The following MACROD2 variants were observed in gnomAD, a reference collection of about 807,000 sequenced individuals.
The protein encoded by MACROD2 is ADP-ribose glycohydrolase MACROD2.
In MACROD2, 36 loss-of-function variants were observed where a neutral mutation model predicts 70.4. The observed-to-expected ratio is 0.51, with a 90% confidence interval of 0.39 to 0.68. The LOEUF (loss-of-function observed/expected upper bound fraction) is 0.68. Ranked by LOEUF, MACROD2 falls within the 30% of genes least tolerant of loss-of-function variation. The probability of loss-of-function intolerance (pLI) is 0.00; values close to 1 mark genes in which losing one functional copy is unlikely to be tolerated. For synonymous variants in MACROD2, 172 were observed against 178.8 expected (o/e 0.96, Z 0.30); for missense variants, 496 against 538.4 (o/e 0.92, Z 0.78).
chr20:14,925,119 G>GTGAA (rs2074213964), intron 5 of MACROD2, among the ~76,000 whole-genome samples: 1 of 151,886 alleles, frequency 6.6e-6, no homozygotes, highest in Non-Finnish European at 1.5e-5. Flanking sequence ...TTCACCAGGG[G>GTGAA]ACGATCTCCT....
At chr20:15,687,005 T>G (rs1464359020) in intron 8 of MACROD2, among the ~76,000 whole-genome samples, 3 of 127,272 alleles carry the variant, frequency 2.4e-5, no homozygotes, top group Non-Finnish European at 4.7e-5. Flanking sequence ...TCTTTTTTTT[T>G]TCTTTTTTTT....
intron 4 of MACROD2, among the ~76,000 whole-genome samples, chr20:14,590,918 G>A (rs563436878): frequency 1.3e-4 from 20 of 152,124 alleles, no homozygotes; most frequent in African/African-American, 4.6e-4. Context: ...TCCACATTAG[G>A]TCTCAAAATC....
intron 4 of MACROD2, among the ~76,000 whole-genome samples, chr20:14,531,674 T>G (rs1209220980): frequency 6.6e-6 from 1 of 152,206 alleles, no homozygotes; most frequent in Non-Finnish European, 1.5e-5. Context: ...GCCTATAATT[T>G]TATAGTTTAC....
chr20:14,732,138 A>G (rs971343955), intron 5 of MACROD2, among the ~76,000 whole-genome samples: 2 of 152,198 alleles, frequency 1.3e-5, no homozygotes, highest in African/African-American at 4.8e-5. Context: ...ACAGAAAGGG[A>G]ATATTTATAG....
intron 3 of MACROD2, among the ~76,000 whole-genome samples, chr20:14,255,321 T>A (rs1036210404): frequency 6.6e-6 from 1 of 152,090 alleles, no homozygotes; most frequent in African/African-American, 2.4e-5. Flanking sequence ...TAAGAAAATG[T>A]GGCACATATA....
chr20:15,921,292 T>C (rs1186166051), intron 10 of MACROD2, among the ~76,000 whole-genome samples: 2 of 152,202 alleles, frequency 1.3e-5, no homozygotes, highest in African/African-American at 4.8e-5. Flanking sequence ...CCTCTGGGGC[T>C]TGCTCCCCAC....
At chr20:14,419,797 C>T (rs547616659) in intron 3 of MACROD2, among the ~76,000 whole-genome samples, 1 of 152,002 alleles carries the variant, frequency 6.6e-6, no homozygotes, top group Non-Finnish European at 1.5e-5. Context: ...TTTGGAATTA[C>T]ATTGATCATT....
rs77166251 is a variant in MACROD2, at chr20:15,111,875, A to C, written c.419-118065A>C. ...GCAAGTCTTTGAACTGTCAGATGCC[A>C]GGTGCTGTTAGGGCACCTCCACTCA... On this transcript the variant is annotated intron_variant, in intron 5 of 17. Transcript: ENST00000684519. Among the ~76,000 whole-genome samples the C allele has an allele frequency of 3.4e-3, 512 of 152,324 alleles. 15 individuals are homozygous for C. The highest frequency in any genetic ancestry group is 0.025 in the Admixed American group (378 of 15,298).
At chr20:14,754,214 G>A (rs1353799451) in intron 5 of MACROD2, among the ~76,000 whole-genome samples, 1 of 152,064 alleles carries the variant, frequency 6.6e-6, no homozygotes, top group Non-Finnish European at 1.5e-5. Flanking sequence ...GGTCATCATG[G>A]AGATGGACAT....
chr20:15,224,360 A>T (rs1394516976), intron 5 of MACROD2, among the ~76,000 whole-genome samples: 1 of 152,248 alleles, frequency 6.6e-6, no homozygotes, highest in African/African-American at 2.4e-5. Context: ...GCCAAAATGT[A>T]TACATACAAA....
intron 5 of MACROD2, among the ~76,000 whole-genome samples, chr20:15,165,083 A>AAT (rs1190364036): frequency 3.3e-5 from 5 of 152,242 alleles, no homozygotes; most frequent in Admixed American, 6.5e-5. Context: ...TTGATCAACA[A>AAT]ATATATATAT....
chr20:14,404,213 C>T (rs1474410005), intron 3 of MACROD2, among the ~76,000 whole-genome samples: 1 of 151,952 alleles, frequency 6.6e-6, no homozygotes, highest in Non-Finnish European at 1.5e-5. Context: ...TATATCTAGT[C>T]AGAGTTCCAG....
chr20:14,616,201 G>A (rs552535799), intron 4 of MACROD2, among the ~76,000 whole-genome samples: 3 of 152,212 alleles, frequency 2.0e-5, no homozygotes, highest in Admixed American at 1.3e-4. Context: ...TGTGGTCTGA[G>A]CCCAGTCATG....
chr20:15,366,444 G>T (rs1483835969), intron 6 of MACROD2, among the ~76,000 whole-genome samples: 1 of 152,080 alleles, frequency 6.6e-6, no homozygotes, highest in Non-Finnish European at 1.5e-5. Context: ...TTAAAGAAAA[G>T]AAATCAAAAT....
intron 13 of MACROD2, 30 bp downstream of exon 13, chr20:15,967,660 CT>C: frequency 1.7e-6 from 1 of 596,186 alleles, no homozygotes; most frequent in Non-Finnish European, 2.5e-6. Context: ...ATTAGATTTT[CT>C]TTTCTTCTGC....
At chr20:16,037,828 CT>C (rs1273517797) in intron 15 of MACROD2, among the ~76,000 whole-genome samples, 1 of 151,918 alleles carries the variant, frequency 6.6e-6, no homozygotes. Flanking sequence ...TTTCCTCTCC[CT>C]TAGCATGTTT....
chr20:14,571,532 T>G lies in MACROD2; in HGVS notation c.301+78024T>G, dbSNP rs1407202888. ...TTAAATGTTTATTGAGTATCTATTA[T>G]GTACTGGTTTTCTGAAATATCATTT... is the stretch of plus-strand genomic sequence containing the variant. On this transcript the variant is annotated intron_variant, in intron 4 of 17. Coordinates refer to ENST00000684519, the MANE Select transcript of MACROD2 (RefSeq NM_001351661.2). Among the ~76,000 whole-genome samples, 4 of 152,142 alleles carry G rather than the reference T, an allele frequency of 2.6e-5. No individual in the cohort carries two copies. In the East Asian group the frequency reaches 7.7e-4, roughly 29 times the overall value.
chr20:14,364,437 AATT>A (rs1235771687), intron 3 of MACROD2, among the ~76,000 whole-genome samples: 1 of 152,226 alleles, frequency 6.6e-6, no homozygotes, highest in Non-Finnish European at 1.5e-5. Flanking sequence ...ATAATTTAAA[AATT>A]ATTGTGAAAT....
Position 14,684,834 on chromosome 20 carries a change from C to T in MACROD2, c.302-9C>T. The stretch of plus-strand genomic sequence containing the variant: ...CAAATATAAGCTAACTTTCTTCTTT[C>T]TCCCTTAGTGGATGGCTGTATTCAT... On this transcript the variant is annotated splice_polypyrimidine_tract_variant and intron_variant, in intron 4 of 17. Transcript: ENST00000684519. 1.2e-6 allele frequency: 2 copies of T among 1,608,328 alleles called. No homozygotes were observed. The highest frequency in any genetic ancestry group is 1.7e-6 in the Non-Finnish European group (2 of 1,175,364).
Sources: gnomAD v4.1 joint callset for allele counts (sites outside exome capture counted in the v4.1 genomes callset) on GRCh38, gnomAD v4.1.1 for gene constraint, MANE v1.5 for transcripts, NCBI Gene and HGNC (gene_info 2026-07-23, HGNC 2026-07-21) for gene names.